The following MLIP variants were observed in gnomAD, a reference collection of about 807,000 sequenced individuals.
The protein encoded by MLIP is muscular LMNA interacting protein.
In MLIP, 79 loss-of-function variants were observed where a neutral mutation model predicts 84.8. The ratio of observed to expected loss-of-function variants is 0.93; its 90% CI spans 0.78 to 1.12. The LOEUF (loss-of-function observed/expected upper bound fraction) is 1.12, where lower values mean the gene tolerates loss of function less well. MLIP is among the 50% of genes most tolerant of loss of function. The pLI is 0.00. For synonymous variants in MLIP, 504 were observed against 463.0 expected (o/e 1.09, Z -1.14); for missense variants, 1,257 against 1,160.6 (o/e 1.08, Z -1.21).
At chr6:54,113,252 T>C (rs990786081) in intron 1 of MLIP, among the ~76,000 whole-genome samples, 5 of 152,222 alleles carry the variant, frequency 3.3e-5, no homozygotes, top group African/African-American at 1.2e-4. Flanking sequence ...TCTTTACTCC[T>C]AAAGGATTAT....
At chr6:54,201,439 C>T (rs1044444387) in intron 10 of MLIP, among the ~76,000 whole-genome samples, 4 of 152,192 alleles carry the variant, frequency 2.6e-5, no homozygotes, top group African/African-American at 9.7e-5. Context: ...GCACTTTGCT[C>T]TAACCTTCTT....
chr6:54,020,826 G>A (rs894267842), intron 1 of MLIP, among the ~76,000 whole-genome samples: 3 of 152,124 alleles, frequency 2.0e-5, no homozygotes, highest in African/African-American at 4.8e-5. Context: ...GAAATATGGC[G>A]GCACATCAGA....
At chr6:54,128,399 A>G (rs919846627) in intron 3 of MLIP, among the ~76,000 whole-genome samples, 5 of 152,188 alleles carry the variant, frequency 3.3e-5, no homozygotes. Flanking sequence ...CACCTATGAA[A>G]AAAGAGAGCC....
chr6:54,202,299 A>T (rs12181964), intron 11 of MLIP, 66 bp downstream of exon 11: 8 of 734,178 alleles, frequency 1.1e-5, no homozygotes, highest in South Asian at 4.3e-5. Flanking sequence ...AATATATATA[A>T]ATATATAAAT....
chr6:54,154,193 G>T (rs769867500), intron 5 of MLIP, among the ~76,000 whole-genome samples: 5 of 151,962 alleles, frequency 3.3e-5, no homozygotes, highest in Non-Finnish European at 7.4e-5. Flanking sequence ...TTAGTTTGGG[G>T]CCAGATAGGT....
rs564394721 is a variant in MLIP at position 54,068,472 on chromosome 6, C to T, written c.63+49381C>T. 7.0e-5 allele frequency among the ~76,000 whole-genome samples: 7 copies of T among 99,408 alleles called. 3 individuals carry two copies. The East Asian group carries it at 1.4e-3, about 19-fold the overall frequency. The allele number at this position is 99,408 out of a possible 152,430, so 65.2% of individuals were successfully genotyped here. A position where few individuals can be genotyped will look rare whatever the true frequency, so the allele number is the denominator to read the frequency against. On this transcript the variant is annotated intron_variant, in intron 1 of 12. Transcript: ENST00000274897. ...TTCTGACTGAAAAATGTGGTTGCCA[C>T]GTGGCTGACAACAGACCACTAGTGG...
At chr6:54,251,140 C>A (rs1782449618) in intron 12 of MLIP, among the ~76,000 whole-genome samples, 1 of 151,740 alleles carries the variant, frequency 6.6e-6, no homozygotes, top group Non-Finnish European at 1.5e-5. Flanking sequence ...TTGATTAGGA[C>A]ATTTTGAGTA....
At chr6:54,085,873 A>G (rs1465749000) in intron 1 of MLIP, among the ~76,000 whole-genome samples, 3 of 152,164 alleles carry the variant, frequency 2.0e-5, no homozygotes. Context: ...TCATCAGGCT[A>G]TGAAGTTCCA....
At chr6:54,177,474 A>G (rs1776407687) in intron 9 of MLIP, among the ~76,000 whole-genome samples, 1 of 152,230 alleles carries the variant, frequency 6.6e-6, no homozygotes, top group Non-Finnish European at 1.5e-5. Context: ...AGAGAAACAC[A>G]AATCAAAACC....
chr6:54,030,999 T>TC (rs1764099073), intron 1 of MLIP, among the ~76,000 whole-genome samples: 1 of 152,182 alleles, frequency 6.6e-6, no homozygotes. Context: ...GACAGTATTT[T>TC]CCTTTTTTCC....
chr6:54,054,657 A>G (rs1340082301), intron 1 of MLIP, among the ~76,000 whole-genome samples: 1 of 152,220 alleles, frequency 6.6e-6, no homozygotes, highest in African/African-American at 2.4e-5. Context: ...TATAGAAATC[A>G]TGCTTTGCTT....
At position 54,089,918 on chromosome 6, in the gene MLIP, T is replaced by C. The variant is rs184087563; in HGVS notation, c.64-31529T>C. Among the ~76,000 whole-genome samples, 8 of 150,746 alleles carry C rather than the reference T, an allele frequency of 5.3e-5. No individual in the cohort carries two copies. The East Asian group carries it at 1.5e-3, about 29-fold the overall frequency. On this transcript the variant is annotated intron_variant, in intron 1 of 12. Coordinates refer to the MLIP transcript ENST00000274897. ...TAAGTCTCTGAATTGAGCTTTCTTA[T>C]AGCAGTAGGGTCCTCATCGTCTGCA...
chr6:54,120,896 A>G (rs552912663), intron 1 of MLIP, among the ~76,000 whole-genome samples: 1 of 152,258 alleles, frequency 6.6e-6, no homozygotes, highest in African/African-American at 2.4e-5. Context: ...CAAATACTTC[A>G]TACAATTATT....
At chr6:54,085,102 G>A (rs1767400799) in intron 1 of MLIP, among the ~76,000 whole-genome samples, 1 of 152,122 alleles carries the variant, frequency 6.6e-6, no homozygotes, top group Non-Finnish European at 1.5e-5. Flanking sequence ...GCAAGTCATG[G>A]GCTTCAACTG....
chr6:54,074,633 C>T (rs1766682287), intron 1 of MLIP, among the ~76,000 whole-genome samples: 1 of 152,098 alleles, frequency 6.6e-6, no homozygotes, highest in South Asian at 2.1e-4. Context: ...CTACTGCATG[C>T]TATAAAGTAT....
At chr6:54,108,669 C>A (rs926988334), upstream of MLIP, among the ~76,000 whole-genome samples, 2 of 152,100 alleles carry the variant, frequency 1.3e-5, no homozygotes, top group Non-Finnish European at 2.9e-5. Context: ...CAATAAGACA[C>A]AGAGAAAAAT....
intron 12 of MLIP, among the ~76,000 whole-genome samples, chr6:54,240,530 G>A (rs1437285948): frequency 2.0e-5 from 3 of 152,002 alleles, no homozygotes; most frequent in Non-Finnish European, 4.4e-5. Flanking sequence ...CATAATTTAC[G>A]TAAATGTTAT....
At chr6:54,189,693 A>T (rs553015627) in intron 9 of MLIP, among the ~76,000 whole-genome samples, 177 bp from the exon 10 acceptor site, 1 of 152,198 alleles carries the variant, frequency 6.6e-6, no homozygotes, top group Non-Finnish European at 1.5e-5. Context: ...ATGGCTATGT[A>T]CCAAAAATAT....
intron 4 of MLIP, among the ~76,000 whole-genome samples, chr6:54,144,252 C>T (rs534820531): frequency 2.6e-5 from 4 of 152,202 alleles, no homozygotes; most frequent in African/African-American, 4.8e-5. Context: ...ACGTGATCAC[C>T]GAGGAGCAGA....
Sources: gnomAD v4.1 joint callset for allele counts (sites outside exome capture counted in the v4.1 genomes callset) on GRCh38, gnomAD v4.1.1 for gene constraint, MANE v1.5 for transcripts, NCBI Gene and HGNC (gene_info 2026-07-23, HGNC 2026-07-21) for gene names.